The following AK5 variants were observed in gnomAD, a reference collection of about 807,000 sequenced individuals.
The protein encoded by AK5 is adenylate kinase isoenzyme 5.
Under a neutral mutation model 69.5 loss-of-function variants are expected in AK5, and 27 were observed. That is an observed-to-expected ratio of 0.39 (90% CI 0.29 to 0.54). The LOEUF is 0.54. AK5 is among the 20% of genes least tolerant of loss of function. The pLI is 0.71. For synonymous variants in AK5, 260 were observed against 244.4 expected (o/e 1.06, Z -0.60); for missense variants, 531 against 700.4 (o/e 0.76, Z 2.73).
intron 6 of AK5, among the ~76,000 whole-genome samples, chr1:77,394,776 G>C (rs1648723620): frequency 6.6e-6 from 1 of 151,400 alleles, no homozygotes; most frequent in South Asian, 2.1e-4. Context: ...TATGATACTA[G>C]AGAAAAACAT....
rs180759045 is a variant in AK5 at position 77,320,345 on chromosome 1, G to A, written c.700-20032G>A. ...GTATTGGAAGGATTTCTACCATAACGGAAAGATTAAAATGGGATTTTCATT... is the reference window on the plus strand; with the variant it reads ...GTATTGGAAGGATTTCTACCATAACAGAAAGATTAAAATGGGATTTTCATT... On this transcript the variant is annotated intron_variant, in intron 5 of 13. Coordinates refer to ENST00000354567, the MANE Select transcript of AK5 (RefSeq NM_174858.3). 1.7e-3 allele frequency among the ~76,000 whole-genome samples: 257 copies of A among 152,238 alleles called. 6 individuals are homozygous for A. In the East Asian group the frequency reaches 0.038, roughly 22 times the overall value.
chr1:77,379,139 C>T lies in AK5; in HGVS notation c.892-31842C>T, dbSNP rs141163094. ...GGTGATCCAGCATGAGAGGAACCAG[C>T]GGTTGAACAGGAAGGAGCACTGTGT... On this transcript the variant is annotated intron_variant, in intron 6 of 13. Coordinates refer to ENST00000354567, the MANE Select transcript of AK5 (RefSeq NM_174858.3). 5.9e-4 allele frequency among the ~76,000 whole-genome samples: 90 copies of T among 152,270 alleles called. 3 individuals carry two copies. The East Asian group carries it at 0.015, about 25-fold the overall frequency.
intron 5 of AK5, among the ~76,000 whole-genome samples, chr1:77,317,433 T>A (rs543518216): frequency 2.0e-5 from 3 of 152,300 alleles, no homozygotes; most frequent in East Asian, 3.9e-4. Flanking sequence ...ACTTTTTTTT[T>A]AAATAGGAAG....
Position 77,424,545 on chromosome 1 carries a change from G to C in AK5, c.1059+6830G>C, listed in dbSNP as rs116007496. On this transcript the variant is annotated intron_variant, in intron 8 of 13. Transcript: ENST00000354567. ...AAATAGACAACATGCAAGAACAAAT[G>C]GATAATGTAAGCAGAGAAGGAAATT... Among the ~76,000 whole-genome samples, 369 of 152,256 alleles carry C rather than the reference G, an allele frequency of 2.4e-3. 3 individuals carry two copies. Among genetic ancestry groups the C allele is most frequent in the Non-Finnish European group, 4.1e-3 (281 of 68,016 alleles).
At chr1:77,329,384 GT>G (rs1660974834) in intron 5 of AK5, among the ~76,000 whole-genome samples, 1 of 151,948 alleles carries the variant, frequency 6.6e-6, no homozygotes, top group Non-Finnish European at 1.5e-5. Context: ...ACTTTCATGG[GT>G]CCCATTTCCA....
chr1:77,491,794 T>C lies in AK5; in HGVS notation c.1147+5442T>C, dbSNP rs1464431704. On this transcript the variant is annotated intron_variant, in intron 10 of 13. Transcript: ENST00000354567. ...CACTACATAAAGCACTTTATAATGTTATCTTATTGAATGCTCCTATCCATC... is the reference window on the plus strand; with the variant it reads ...CACTACATAAAGCACTTTATAATGTCATCTTATTGAATGCTCCTATCCATC... 3.3e-5 allele frequency among the ~76,000 whole-genome samples: 5 copies of C among 152,216 alleles called. No homozygotes were observed. The East Asian group carries it at 9.6e-4, about 29-fold the overall frequency.
intron 13 of AK5, among the ~76,000 whole-genome samples, chr1:77,556,090 T>C (rs1267195565): frequency 6.6e-6 from 1 of 152,174 alleles, no homozygotes; most frequent in Non-Finnish European, 1.5e-5. Context: ...AAAAAACTTA[T>C]TTTTTCCTTA....
At chr1:77,380,182 A>G (rs1227874404) in intron 6 of AK5, among the ~76,000 whole-genome samples, 3 of 152,174 alleles carry the variant, frequency 2.0e-5, no homozygotes, top group Non-Finnish European at 4.4e-5. Flanking sequence ...TGCTGAGTAC[A>G]CCATCATGCC....
intron 6 of AK5, among the ~76,000 whole-genome samples, chr1:77,409,084 G>T (rs1354366035): frequency 6.6e-6 from 1 of 152,230 alleles, no homozygotes; most frequent in African/African-American, 2.4e-5. Context: ...TCCCACAGAA[G>T]ACATGACTTC....
chr1:77,347,615 C>T lies in AK5; in HGVS notation c.891+7047C>T, dbSNP rs146657995. The stretch of plus-strand genomic sequence containing the variant: ...TTGTGGGCTCTAAAACCTAAAATAC[C>T]GTGATCACAATTTCTCTTTCAATCT... On this transcript the variant is annotated intron_variant, in intron 6 of 13. Transcript: ENST00000354567. Among the ~76,000 whole-genome samples, 370 of 152,112 alleles carry T rather than the reference C, an allele frequency of 2.4e-3. 3 individuals carry two copies. The highest frequency in any genetic ancestry group is 8.2e-3 in the African/African-American group (340 of 41,488).
intron 6 of AK5, among the ~76,000 whole-genome samples, chr1:77,404,942 A>G (rs2100556610): frequency 6.6e-6 from 1 of 152,352 alleles, no homozygotes; most frequent in East Asian, 1.9e-4. Context: ...CTATGCTGGA[A>G]ATAAAAATAT....
chr1:77,445,861 A>C (rs1046340525), intron 8 of AK5, among the ~76,000 whole-genome samples: 3 of 152,218 alleles, frequency 2.0e-5, no homozygotes, highest in Non-Finnish European at 4.4e-5. Flanking sequence ...CTGGGATTGC[A>C]GCCCTGAGCC....
chr1:77,303,612 G>C (rs1659462799), intron 5 of AK5, among the ~76,000 whole-genome samples: 1 of 152,232 alleles, frequency 6.6e-6, no homozygotes, highest in African/African-American at 2.4e-5. Context: ...GTACCTTTGT[G>C]AGAAAGTGAG....
At chr1:77,547,532 A>G (rs1486999698) in intron 13 of AK5, among the ~76,000 whole-genome samples, 1 of 152,164 alleles carries the variant, frequency 6.6e-6, no homozygotes, top group African/African-American at 2.4e-5. Flanking sequence ...TCGGCCTCTC[A>G]AAGTGCTGGG....
chr1:77,291,660 C>G (rs1658693613), intron 2 of AK5, among the ~76,000 whole-genome samples: 1 of 152,114 alleles, frequency 6.6e-6, no homozygotes, highest in Non-Finnish European at 1.5e-5. Flanking sequence ...CTTTTTATTA[C>G]TAATTCAACA....
At chr1:77,388,527 C>A (rs1447809861) in intron 6 of AK5, among the ~76,000 whole-genome samples, 1 of 151,834 alleles carries the variant, frequency 6.6e-6, no homozygotes, top group Non-Finnish European at 1.5e-5. Flanking sequence ...TCTGAGAAAC[C>A]CAAAGCCATG....
chr1:77,381,740 T>C (rs910810489), intron 6 of AK5, among the ~76,000 whole-genome samples: 1 of 152,218 alleles, frequency 6.6e-6, no homozygotes, highest in Non-Finnish European at 1.5e-5. Flanking sequence ...ACTATTCTCC[T>C]ACTATTACCC....
At chr1:77,483,135 C>T (rs1456110453) in intron 8 of AK5, among the ~76,000 whole-genome samples, 182 bp from the exon 9 acceptor site, 1 of 151,012 alleles carries the variant, frequency 6.6e-6, no homozygotes, top group African/African-American at 2.4e-5. Context: ...ACCCTGTCAC[C>T]TTTGGAAAGT....
At chr1:77,436,136 A>G (rs777251854) in intron 8 of AK5, among the ~76,000 whole-genome samples, 3 of 152,084 alleles carry the variant, frequency 2.0e-5, no homozygotes, top group Non-Finnish European at 4.4e-5. Context: ...CTTTCTTCAC[A>G]TCTCTGTTTC....
Sources: allele counts gnomAD v4.1 joint callset (sites outside exome capture counted in the v4.1 genomes callset), GRCh38; gene constraint gnomAD v4.1.1; transcripts MANE v1.5; gene names NCBI Gene and HGNC (gene_info 2026-07-23, HGNC 2026-07-21).